METAP1: variants seen among roughly 807,000 people sequenced by gnomAD.
The protein encoded by METAP1 is methionyl aminopeptidase 1.
METAP1 carries 28 observed loss-of-function variants against 53.8 expected under a neutral mutation model. The ratio of observed to expected loss-of-function variants is 0.52; its 90% CI spans 0.39 to 0.71. The LOEUF is 0.71. METAP1 is among the 30% of genes least tolerant of loss of function. METAP1 has a pLI of 0.00. For missense variants in METAP1, 389 were observed against 479.8 expected, an observed-to-expected ratio of 0.81 and a Z score of 1.77; for synonymous variants, 181 against 165.7, an observed-to-expected ratio of 1.09 and a Z score of -0.71.
chr4:99,019,299 A>G (rs1012539115), intron 1 of METAP1, among the ~76,000 whole-genome samples: 6 of 152,164 alleles, frequency 3.9e-5, no homozygotes, highest in African/African-American at 9.7e-5. Context: ...AAATTTATCA[A>G]GGGCTCTTGA....
intron 1 of METAP1, among the ~76,000 whole-genome samples, chr4:99,017,074 T>C (rs1337642500): frequency 1.3e-5 from 2 of 152,238 alleles, no homozygotes; most frequent in African/African-American, 2.4e-5. Context: ...TGCTGCTCTT[T>C]TGGCTACCTG....
intron 9 of METAP1, 75 bp from the exon 10 acceptor site, chr4:99,057,678 T>C (rs748559547): frequency 7.2e-5 from 75 of 1,038,368 alleles, no homozygotes; most frequent in Non-Finnish European, 9.8e-5. Context: ...TTGAGTTATG[T>C]ACTCTTTCTA....
chr4:99,026,205 T>C, intron 1 of METAP1: 1 of 984,640 alleles, frequency 1.0e-6, no homozygotes, highest in Admixed American at 6.1e-5. Context: ...GTTCATAAGC[T>C]CCTAAATTTA....
Position 99,018,462 on chromosome 4 carries a change from T to A in METAP1, c.115-10405T>A, listed in dbSNP as rs543118504. 2.0e-5 allele frequency among the ~76,000 whole-genome samples: 3 copies of A among 152,318 alleles called. No individual in the cohort carries two copies. The South Asian group carries it at 6.2e-4, about 32-fold the overall frequency. On this transcript the variant is annotated intron_variant, in intron 1 of 10. Coordinates refer to ENST00000296411, the MANE Select transcript of METAP1 (RefSeq NM_015143.3). Reference sequence around the variant, plus strand: ...AGCATGAGTAAAAATATTCAGTGAATCCTCAAATCCTGGGGCAATACTATC... The same window carrying A: ...AGCATGAGTAAAAATATTCAGTGAAACCTCAAATCCTGGGGCAATACTATC...
chr4:99,004,484 TACACACACAC>T (rs145601239), intron 1 of METAP1, among the ~76,000 whole-genome samples: 47 of 75,478 alleles, frequency 6.2e-4, no homozygotes, highest in Admixed American at 2.8e-3. Flanking sequence ...CACACACACA[TACACACACAC>T]ACACACACAC....
At chr4:99,035,219 C>T (rs1725339155) in intron 3 of METAP1, among the ~76,000 whole-genome samples, 181 bp from the exon 4 acceptor site, 1 of 152,106 alleles carries the variant, frequency 6.6e-6, no homozygotes, top group Non-Finnish European at 1.5e-5. Context: ...TTTCTAAATA[C>T]CCTGCAAAAG....
chr4:99,022,431 C>G, intron 1 of METAP1: 1 of 623,224 alleles, frequency 1.6e-6, no homozygotes, highest in Non-Finnish European at 2.7e-6. Context: ...CCAGGTGAGC[C>G]CATTCACACC....
intron 1 of METAP1, among the ~76,000 whole-genome samples, chr4:98,998,158 C>T (rs1189704610): frequency 3.9e-5 from 6 of 152,178 alleles, no homozygotes; most frequent in Non-Finnish European, 5.9e-5. Flanking sequence ...CACAGCTGTT[C>T]CCCCAATCCC....
chr4:99,031,098 G>A (rs1246586329), intron 2 of METAP1, among the ~76,000 whole-genome samples: 5 of 125,502 alleles, frequency 4.0e-5, no homozygotes, highest in African/African-American at 1.4e-4. Flanking sequence ...TGACTCAAAG[G>A]TAGTTTTTTT....
chr4:99,015,641 T>C (rs1367699284), intron 1 of METAP1, among the ~76,000 whole-genome samples: 1 of 152,076 alleles, frequency 6.6e-6, no homozygotes, highest in Non-Finnish European at 1.5e-5. Context: ...AGAAGCGGCG[T>C]CTTGGCTTTA....
At position 99,048,894 on chromosome 4, in the gene METAP1, A is replaced by G. The variant is rs770088635; in HGVS notation, c.931+18A>G. ...CTATGCTAGTAAGTACTATCCAGAG[A>G]TTTGGTATAAGCTCACCATTTATTC... On this transcript the variant is annotated intron_variant, in intron 9 of 10. Coordinates refer to ENST00000296411, the MANE Select transcript of METAP1 (RefSeq NM_015143.3). 1 of 1,610,528 alleles carries G rather than the reference A, an allele frequency of 6.2e-7. No individual in the cohort carries two copies. Among genetic ancestry groups the G allele is most frequent in the African/African-American group, 1.3e-5 (1 of 74,716 alleles).
chr4:98,998,886 C>A (rs910713601), intron 1 of METAP1, among the ~76,000 whole-genome samples: 1 of 151,908 alleles, frequency 6.6e-6, no homozygotes, highest in East Asian at 1.9e-4. Flanking sequence ...TCTCGACTCA[C>A]CGCAACCTCC....
Position 99,000,236 on chromosome 4 carries a change from G to A in METAP1, c.114+4369G>A, listed in dbSNP as rs1722855883. On this transcript the variant is annotated intron_variant, in intron 1 of 10. Transcript: ENST00000296411. ...GATGTTTAACTTTGTGAATAGCATA[G>A]GGCAGTTGCTGTCTCCTCTGGTTAG... 2.0e-5 allele frequency among the ~76,000 whole-genome samples: 3 copies of A among 152,298 alleles called. No individual in the cohort carries two copies. The East Asian group carries it at 5.8e-4, about 29-fold the overall frequency.
chr4:99,022,597 G>A, intron 1 of METAP1: 1 of 679,632 alleles, frequency 1.5e-6, no homozygotes. Flanking sequence ...CTCACACTTG[G>A]CCTGAGTGAC....
chr4:99,017,298 T>C (rs1295675985), intron 1 of METAP1, among the ~76,000 whole-genome samples: 1 of 152,258 alleles, frequency 6.6e-6, no homozygotes, highest in Non-Finnish European at 1.5e-5. Flanking sequence ...ACTTACAGCC[T>C]GTATAAGTGT....
chr4:99,030,681 A>G (rs972222969), intron 2 of METAP1, among the ~76,000 whole-genome samples: 1 of 152,156 alleles, frequency 6.6e-6, no homozygotes, highest in Admixed American at 6.5e-5. Context: ...TTGCACTAGG[A>G]AGGAACCAAT....
intron 1 of METAP1, among the ~76,000 whole-genome samples, chr4:99,000,247 G>A (rs907679986): frequency 6.6e-6 from 1 of 152,194 alleles, no homozygotes; most frequent in Non-Finnish European, 1.5e-5. Flanking sequence ...GGCAGTTGCT[G>A]TCTCCTCTGG....
At chr4:99,003,962 C>T (rs544300707) in intron 1 of METAP1, among the ~76,000 whole-genome samples, 27 of 152,300 alleles carry the variant, frequency 1.8e-4, no homozygotes, top group African/African-American at 3.4e-4. Flanking sequence ...TTTGGGCCTC[C>T]GGAACTTAAA....
Position 99,057,625 on chromosome 4 carries a change from A to G in METAP1, c.932-128A>G. 4.4e-6 allele frequency: 3 copies of G among 688,958 alleles called. No homozygotes were observed. The Middle Eastern group carries it at 1.1e-3, about 256-fold the overall frequency. The allele number at this position is 688,958 out of a possible 1,614,324, so 42.7% of individuals were successfully genotyped here. A position where few individuals can be genotyped will look rare whatever the true frequency, so the allele number is the denominator to read the frequency against. On this transcript the variant is annotated intron_variant, in intron 9 of 10. Transcript: ENST00000296411. ...TAATACCTGTTTGTTGAACTTTAAG[A>G]AAGGGAATCAGGGTAATTAATTTAA...
Sources: gnomAD v4.1 joint callset for allele counts (sites outside exome capture counted in the v4.1 genomes callset) on GRCh38, gnomAD v4.1.1 for gene constraint, MANE v1.5 for transcripts, NCBI Gene and HGNC (gene_info 2026-07-23, HGNC 2026-07-21) for gene names.